TMEM260: variants seen among roughly 807,000 people sequenced by gnomAD.
The protein encoded by TMEM260 is transmembrane protein 260, also known as protein O-mannosyl-transferase TMEM260.
Under a neutral mutation model 88.9 loss-of-function variants are expected in TMEM260, and 82 were observed. The ratio of observed to expected loss-of-function variants is 0.92; its 90% confidence interval spans 0.77 to 1.11. The LOEUF (loss-of-function observed/expected upper bound fraction) is 1.11. TMEM260 is among the 50% of genes least tolerant of loss of function. The pLI is 0.00. For synonymous variants in TMEM260, 314 were observed against 309.3 expected (o/e 1.02, Z -0.16); for missense variants, 902 against 853.4 (o/e 1.06, Z -0.71).
At chr14:56,634,668 T>TC (rs1888889352) in intron 13 of TMEM260, among the ~76,000 whole-genome samples, 1 of 152,032 alleles carries the variant, frequency 6.6e-6, no homozygotes, top group South Asian at 2.1e-4. Flanking sequence ...ATGGTGAAAC[T>TC]CCATTTCCAC....
At chr14:56,622,662 A>G (rs1888004351) in intron 11 of TMEM260, among the ~76,000 whole-genome samples, 1 of 152,160 alleles carries the variant, frequency 6.6e-6, no homozygotes, top group Non-Finnish European at 1.5e-5. Flanking sequence ...ATAGATACAT[A>G]AAAGGGAAGA....
intron 1 of TMEM260, among the ~76,000 whole-genome samples, chr14:56,581,624 T>TA (rs1885141439): frequency 6.6e-6 from 1 of 152,254 alleles, no homozygotes; most frequent in African/African-American, 2.4e-5. Flanking sequence ...GTTGGGCACT[T>TA]ACTATGTGCC....
chr14:56,624,449 C>G (rs1888116719), intron 11 of TMEM260, among the ~76,000 whole-genome samples: 1 of 152,198 alleles, frequency 6.6e-6, no homozygotes, highest in African/African-American at 2.4e-5. Flanking sequence ...TGTCATGTGC[C>G]TGCAATCTCA....
At position 56,585,533 on chromosome 14, in the gene TMEM260, C is replaced by G. The variant is rs1361437705; in HGVS notation, c.193-228C>G. Among the ~76,000 whole-genome samples the G allele has an allele frequency of 2.6e-5, 4 of 152,090 alleles. No individual in the cohort carries two copies. The East Asian group carries it at 7.7e-4, about 29-fold the overall frequency. ...AGAACTGACAATGAAATATGTCACC[C>G]TTTCTCTGGGTGACGCACCATGTGA... On this transcript the variant is annotated intron_variant, in intron 2 of 15. Coordinates refer to ENST00000261556, the MANE Select transcript of TMEM260 (RefSeq NM_017799.4).
At chr14:56,655,743 G>A in the TMEM260 span, among the ~76,000 whole-genome samples, 3 of 152,212 alleles carry the variant, frequency 2.0e-5, no homozygotes, top group Admixed American at 1.3e-4. Context: ...CATGTGAAAC[G>A]TGACCTGCTT....
intron 15 of TMEM260, among the ~76,000 whole-genome samples, chr14:56,640,672 G>C (rs982366647): frequency 1.3e-5 from 2 of 152,258 alleles, no homozygotes; most frequent in Non-Finnish European, 1.5e-5. Context: ...GAGAGAAGAA[G>C]GCTTCAGAAG....
chr14:56,583,648 G>C (rs1209624123), intron 1 of TMEM260, among the ~76,000 whole-genome samples: 2 of 152,154 alleles, frequency 1.3e-5, no homozygotes, highest in Non-Finnish European at 2.9e-5. Flanking sequence ...GGAGGAAGAA[G>C]TGATTAATTC....
chr14:56,618,514 A>G (rs1302793493), intron 9 of TMEM260, 80 bp from the exon 10 acceptor site: 2 of 1,344,586 alleles, frequency 1.5e-6, no homozygotes, highest in Non-Finnish European at 2.1e-6. Flanking sequence ...TGCATGCAGC[A>G]TATTTAAAAA....
intron 15 of TMEM260, 136 bp downstream of exon 15, chr14:56,636,734 C>T: frequency 1.4e-6 from 1 of 720,192 alleles, no homozygotes; most frequent in Non-Finnish European, 2.3e-6. Context: ...TATAAAGCAG[C>T]ACATATGAAC....
In TMEM260 at chr14:56,633,794, T is replaced by TCACA. The variant is rs148263779; in HGVS notation, c.1724+634_1724+637dup. 3.3e-5 allele frequency among the ~76,000 whole-genome samples: 5 copies of TCACA among 151,926 alleles called. No homozygotes were observed. In the East Asian group the frequency reaches 7.7e-4, roughly 24 times the overall value. ...GGAGTAGTGATTCTTTTACTTGATT[T>TCACA]CACACACACACACAGAGTCACTATC... On this transcript the variant is annotated intron_variant, in intron 13 of 15. Transcript: ENST00000261556.
Position 56,585,868 on chromosome 14 carries a change from A to C in TMEM260, c.300A>C (p.Leu100Phe). ...ACCGCGTCAATCTTCTCTGTGGCTT[A>C]TTTGGAGCAGTAGCTGCATCATTAC... ...IAYRVNLLCG[L>F]FGAVAASLLF... is the part of the protein sequence containing the mutation. The change falls in exon 3 of 16, where the codon TTA becomes TTC. Residue 100 changes from leucine to phenylalanine, a missense_variant. By Grantham distance (22) the Leu-to-Phe change is conservative (BLOSUM62 0). Transcript: ENST00000261556. The C allele has an allele frequency of 6.2e-7, 1 of 1,613,404 alleles. No individual in the cohort carries two copies. Among genetic ancestry groups the C allele is most frequent in the Non-Finnish European group, 8.5e-7 (1 of 1,179,660 alleles).
At chr14:56,614,995 C>T (rs1887513260) in intron 7 of TMEM260, among the ~76,000 whole-genome samples, 1 of 152,178 alleles carries the variant, frequency 6.6e-6, no homozygotes, top group Non-Finnish European at 1.5e-5. Flanking sequence ...AGGCAGTGAC[C>T]ATCTTTTAGC....
chr14:56,637,865 A>G (rs1021354906), intron 15 of TMEM260, among the ~76,000 whole-genome samples: 1 of 152,164 alleles, frequency 6.6e-6, no homozygotes, highest in Non-Finnish European at 1.5e-5. Flanking sequence ...CCTGCTATCA[A>G]AAAGGTGGCA....
rs927350465 is a variant in TMEM260 at position 56,647,598 on chromosome 14, C to T, written c.*101C>T. The T allele has an allele frequency of 1.5e-6, 2 of 1,290,986 alleles. No homozygotes were observed. The highest frequency in any genetic ancestry group is 2.1e-6 in the Non-Finnish European group (2 of 960,524). 80.0% of individuals were successfully genotyped at this position (1,290,986 alleles called of 1,614,324 possible). A position where few individuals can be genotyped will look rare whatever the true frequency, so the allele number is the denominator to read the frequency against. On this transcript the variant is annotated 3_prime_UTR_variant, in exon 16 of 16. Transcript: ENST00000261556. Reference sequence around the variant, plus strand: ...AAGAAACTGCATAAAAAATTTAAAACTAAGTCATCTCCCAGATATAAGTAT... The same window carrying T: ...AAGAAACTGCATAAAAAATTTAAAATTAAGTCATCTCCCAGATATAAGTAT...
chr14:56,588,140 A>G (rs916253044), intron 3 of TMEM260, among the ~76,000 whole-genome samples: 7 of 152,058 alleles, frequency 4.6e-5, no homozygotes, highest in African/African-American at 1.4e-4. Context: ...CCAAATCATC[A>G]TTCCATTTTG....
Position 56,648,864 on chromosome 14 carries a change from G to C in TMEM260, c.*1367G>C, listed in dbSNP as rs143813323. The C allele has an allele frequency of 2.6e-5, 4 of 152,706 alleles. No individual in the cohort carries two copies. Among genetic ancestry groups the C allele is most frequent in the Non-Finnish European group, 4.4e-5 (3 of 68,034 alleles). The allele number at this position is 152,706 out of a possible 1,614,324, so 9.5% of individuals were successfully genotyped here. ...AGTCATGAAGGTGCTTCAAGACAAGGGTGCCTCTAAAAGCTTGACAGGGCC... is the reference window on the plus strand; with the variant it reads ...AGTCATGAAGGTGCTTCAAGACAAGCGTGCCTCTAAAAGCTTGACAGGGCC... On this transcript the variant is annotated 3_prime_UTR_variant, in exon 16 of 16. Coordinates refer to ENST00000261556, the MANE Select transcript of TMEM260 (RefSeq NM_017799.4).
chr14:56,580,263 C>T (rs1228812933), intron 1 of TMEM260, among the ~76,000 whole-genome samples, 189 bp downstream of exon 1: 2 of 152,216 alleles, frequency 1.3e-5, no homozygotes, highest in African/African-American at 4.8e-5. Context: ...GTTGTGGTTT[C>T]TTTAGTTCTC....
chr14:56,663,064 G>A, the TMEM260 span, among the ~76,000 whole-genome samples: 1 of 152,168 alleles, frequency 6.6e-6, no homozygotes, highest in Non-Finnish European at 1.5e-5. This position sits in a 1 kb window ranked among gnomAD's most constrained non-coding sequence, Gnocchi z 4.1. Context: ...AGGAGGCGGA[G>A]GTTGGGGTGA....
downstream of TMEM260, among the ~76,000 whole-genome samples, chr14:56,654,600 C>T (rs1890266358): frequency 1.3e-5 from 2 of 151,788 alleles, no homozygotes; most frequent in South Asian, 4.2e-4. Context: ...AGGCGGATCA[C>T]CTGAGGTCAG....
Sources: allele counts gnomAD v4.1 joint callset (sites outside exome capture counted in the v4.1 genomes callset), GRCh38; gene constraint gnomAD v4.1.1; non-coding constraint Gnocchi (gnomAD v3.1); transcripts MANE v1.5; gene names NCBI Gene and HGNC (gene_info 2026-07-23, HGNC 2026-07-21).